PIGL: variants seen among roughly 807,000 people sequenced by gnomAD.
PIGL encodes the protein phosphatidylinositol glycan anchor biosynthesis class L.
PIGL carries 22 observed loss-of-function variants against 31.1 expected under a neutral mutation model. That is an observed-to-expected ratio of 0.71 (90% confidence interval 0.51 to 1.01). PIGL has a LOEUF of 1.01. Ranked by LOEUF, PIGL falls within the 50% of genes least tolerant of loss-of-function variation. The probability of loss-of-function intolerance (pLI) is 0.00; values close to 1 mark genes in which losing one functional copy is unlikely to be tolerated. For missense variants in PIGL, 302 were observed against 315.9 expected (o/e 0.96, Z 0.33); for synonymous variants, 131 against 117.4 (o/e 1.12, Z -0.75).
Position 16,299,976 on chromosome 17 carries a change from C to G in PIGL, c.424C>G (p.Leu142Val). The change falls in exon 3 of 7, where the codon CTG becomes GTG. Residue 142 changes from leucine to valine, a missense_variant and splice_region_variant. Leu to Val is a conservative substitution (Grantham distance 32). Coordinates refer to ENST00000225609, the MANE Select transcript of PIGL (RefSeq NM_004278.4). ...GCACATAGAAGTGAATGGCATCAAT[C>G]TGGTAAGGGGGCAGCTCCCTGAATG... is the stretch of plus-strand genomic sequence containing the variant. Reference protein sequence around the residue: ...LQHIEVNGINLVVTFDAGGVS... With the variant: ...LQHIEVNGINVVVTFDAGGVS... 1 of 1,611,390 alleles carries G rather than the reference C, an allele frequency of 6.2e-7. No homozygotes were observed.
chr17:16,317,479 C>A (rs1025242375), intron 5 of PIGL: 2 of 1,126,832 alleles, frequency 1.8e-6, no homozygotes, highest in African/African-American at 3.1e-5. Context: ...TTCCTGTCTC[C>A]TTTACTTCCT....
At chr17:16,295,211 C>A (rs544019306) in intron 2 of PIGL, among the ~76,000 whole-genome samples, 1 of 151,900 alleles carries the variant, frequency 6.6e-6, no homozygotes, top group Admixed American at 6.6e-5. Context: ...CTAGACCAGC[C>A]TGGCCAACAT....
chr17:16,303,145 G>A (rs1288156756), intron 3 of PIGL, among the ~76,000 whole-genome samples: 1 of 152,126 alleles, frequency 6.6e-6, no homozygotes, highest in Non-Finnish European at 1.5e-5. Context: ...TGTGGTCCAG[G>A]CACCCCTCCA....
chr17:16,289,423 G>C (rs1246406057), intron 2 of PIGL, among the ~76,000 whole-genome samples: 1 of 152,124 alleles, frequency 6.6e-6, no homozygotes, highest in Non-Finnish European at 1.5e-5. Flanking sequence ...CCTTTACTTG[G>C]ATAAAACCTG....
chr17:16,218,949 G>A (rs2092612616), intron 1 of PIGL, among the ~76,000 whole-genome samples: 1 of 151,848 alleles, frequency 6.6e-6, no homozygotes, highest in South Asian at 2.1e-4. Flanking sequence ...AAAGTGCTTG[G>A]GATTACAAGT....
intron 2 of PIGL, among the ~76,000 whole-genome samples, chr17:16,257,162 A>G (rs1290524776): frequency 1.3e-5 from 2 of 152,170 alleles, no homozygotes; most frequent in African/African-American, 4.8e-5. Flanking sequence ...CATGCCTGTA[A>G]TCCCAGCACT....
intron 3 of PIGL, chr17:16,312,821 T>A (rs2093059912): frequency 6.7e-6 from 1 of 150,200 alleles, no homozygotes; most frequent in Admixed American, 7.1e-5. Context: ...CTCGGCAGGC[T>A]GAGGTAGGAG....
chr17:16,326,084 C>G lies in PIGL; in HGVS notation c.*186C>G. On this transcript the variant is annotated 3_prime_UTR_variant, in exon 7 of 7. Transcript: ENST00000225609. ...TCCAGCTTCTTCCCCTGGGAAAAAA[C>G]CCAAAGAACCAAAAACAAACCACCC... 1.8e-6 allele frequency: 1 copy of G among 568,768 alleles called. No individual in the cohort carries two copies. Among genetic ancestry groups the G allele is most frequent in the Non-Finnish European group, 3.1e-6 (1 of 321,792 alleles). 35.2% of individuals were successfully genotyped at this position (568,768 alleles called of 1,614,324 possible).
intron 2 of PIGL, among the ~76,000 whole-genome samples, chr17:16,291,797 G>A (rs1348004934): frequency 2.6e-5 from 4 of 151,412 alleles, no homozygotes; most frequent in African/African-American, 7.3e-5. Flanking sequence ...TCTGGGAGGC[G>A]GAGGTTGCAG....
intron 2 of PIGL, among the ~76,000 whole-genome samples, chr17:16,249,769 A>G (rs767723079): frequency 3.3e-5 from 5 of 152,204 alleles, no homozygotes; most frequent in Non-Finnish European, 5.9e-5. Flanking sequence ...TTTTTGCTCC[A>G]TGTGGGTCCC....
intron 2 of PIGL, among the ~76,000 whole-genome samples, chr17:16,281,763 G>A (rs1197641509): frequency 6.6e-6 from 1 of 152,226 alleles, no homozygotes; most frequent in East Asian, 1.9e-4. Context: ...ACTGGCTAAA[G>A]GAGAAAGAAG....
Position 16,244,738 on chromosome 17 carries a change from G to A in PIGL, c.335+10668G>A, listed in dbSNP as rs1221959344. On this transcript the variant is annotated intron_variant, in intron 2 of 6. Coordinates refer to ENST00000225609, the MANE Select transcript of PIGL (RefSeq NM_004278.4). ...CACCCAGGTTAGAGTGCAGTGGCAG[G>A]ATCATGGCTTACTGCAGCCTCCACC... 2.6e-5 allele frequency among the ~76,000 whole-genome samples: 4 copies of A among 152,044 alleles called. No individual in the cohort carries two copies. The South Asian group carries it at 6.2e-4, about 24-fold the overall frequency.
chr17:16,260,956 T>G (rs1043004837), intron 2 of PIGL, among the ~76,000 whole-genome samples: 1 of 151,760 alleles, frequency 6.6e-6, no homozygotes, highest in Non-Finnish European at 1.5e-5. Flanking sequence ...CCGTCTCTAC[T>G]AAAAATACAA....
At chr17:16,303,615 T>C (rs2093014255) in intron 3 of PIGL, among the ~76,000 whole-genome samples, 1 of 152,130 alleles carries the variant, frequency 6.6e-6, no homozygotes, top group African/African-American at 2.4e-5. Flanking sequence ...CTCGGCTCAC[T>C]GCAACCTCCG....
chr17:16,241,737 G>T (rs1168520356), intron 2 of PIGL, among the ~76,000 whole-genome samples: 2 of 151,944 alleles, frequency 1.3e-5, no homozygotes, highest in African/African-American at 2.4e-5. Context: ...AGGAAAATGA[G>T]AATTATCTGC....
At chr17:16,264,408 A>G (rs1028806789) in intron 2 of PIGL, among the ~76,000 whole-genome samples, 7 of 151,774 alleles carry the variant, frequency 4.6e-5, no homozygotes, top group African/African-American at 1.7e-4. Context: ...GGCCTCCCAA[A>G]GTTCTGAGAT....
At chr17:16,302,662 C>T (rs1304126971) in intron 3 of PIGL, among the ~76,000 whole-genome samples, 2 of 151,962 alleles carry the variant, frequency 1.3e-5, no homozygotes, top group African/African-American at 2.4e-5. Context: ...TGCAGTGGCG[C>T]GATCTCAGCT....
intron 1 of PIGL, among the ~76,000 whole-genome samples, chr17:16,228,546 G>A (rs766576407): frequency 1.3e-5 from 2 of 152,010 alleles, no homozygotes; most frequent in Non-Finnish European, 1.5e-5. Flanking sequence ...CCGCCACCAC[G>A]CCCGGCTAAT....
intron 2 of PIGL, among the ~76,000 whole-genome samples, chr17:16,291,914 T>C (rs946018080): frequency 6.6e-6 from 1 of 151,274 alleles, no homozygotes; most frequent in Non-Finnish European, 1.5e-5. Flanking sequence ...GATCACTTGA[T>C]ACCAGGAGTT....
Sources: allele counts gnomAD v4.1 joint callset (sites outside exome capture counted in the v4.1 genomes callset), GRCh38; gene constraint gnomAD v4.1.1; transcripts MANE v1.5; gene names NCBI Gene and HGNC (gene_info 2026-07-23, HGNC 2026-07-21).